OPHN1: variants seen among roughly 807,000 people sequenced by gnomAD.
The protein encoded by OPHN1 is oligophrenin 1.
Under a neutral mutation model 60.7 loss-of-function variants are expected in OPHN1, and 11 were observed. The ratio of observed to expected loss-of-function variants is 0.18; its 90% CI spans 0.11 to 0.30. OPHN1 has a LOEUF of 0.30. Among genes scored for constraint, OPHN1 ranks in the 10% least tolerant of loss-of-function variants. OPHN1 has a pLI of 1.00. For synonymous variants in OPHN1, 226 were observed against 222.6 expected (o/e 1.02, Z -0.14); for missense variants, 449 against 611.0 (o/e 0.73, Z 2.80).
At chrX:68,302,979 A>G (rs1209193084) in intron 2 of OPHN1, among the ~76,000 whole-genome samples, 4 of 111,384 alleles carry the variant, frequency 3.6e-5, no homozygotes, top group Non-Finnish European at 7.5e-5. Flanking sequence ...GCTACAAAAA[A>G]ATAAAATACC....
chrX:68,092,805 T>C (rs1025830893), intron 19 of OPHN1, among the ~76,000 whole-genome samples: 3 of 111,830 alleles, frequency 2.7e-5, no homozygotes, highest in African/African-American at 9.7e-5. Flanking sequence ...AAAATTTAAG[T>C]TGGCATTTGC....
intron 2 of OPHN1, among the ~76,000 whole-genome samples, chrX:68,376,930 CTTTTT>C (rs34240021): frequency 1.1e-5 from 1 of 90,154 alleles, no homozygotes; most frequent in African/African-American, 4.6e-5. Context: ...CTCAAGTAAT[CTTTTT>C]TTTTTTTTTT....
chrX:68,089,827 A>T (rs924623873), intron 19 of OPHN1, among the ~76,000 whole-genome samples: 1 of 111,870 alleles, frequency 8.9e-6, no homozygotes, highest in African/African-American at 3.2e-5. Flanking sequence ...GTAACTGGGC[A>T]TTTGAAGAAT....
intron 15 of OPHN1, among the ~76,000 whole-genome samples, chrX:68,129,362 T>G (rs1032169151): frequency 3.6e-5 from 4 of 111,372 alleles, no homozygotes; most frequent in African/African-American, 1.3e-4. Flanking sequence ...GGGCAGATGT[T>G]TAAAATGCAG....
intron 15 of OPHN1, among the ~76,000 whole-genome samples, chrX:68,165,600 A>G (rs941938319): frequency 1.8e-5 from 2 of 112,153 alleles, no homozygotes; most frequent in African/African-American, 6.5e-5. Context: ...GATATAATAA[A>G]AATTGTAAAG....
chrX:68,400,974 G>A (rs1010257867), intron 2 of OPHN1, among the ~76,000 whole-genome samples: 10 of 111,277 alleles, frequency 9.0e-5, no homozygotes, highest in Non-Finnish European at 1.7e-4. Flanking sequence ...GCAAGAAGAG[G>A]TGGGGAAGTG....
intron 2 of OPHN1, among the ~76,000 whole-genome samples, chrX:68,392,393 G>T (rs942391175): frequency 4.5e-5 from 5 of 111,053 alleles, no homozygotes; most frequent in African/African-American, 1.6e-4. Context: ...TAAATTTGGG[G>T]GGAGTCAAAA....
chrX:68,425,316 T>C (rs1321844229), intron 2 of OPHN1, among the ~76,000 whole-genome samples: 1 of 112,517 alleles, frequency 8.9e-6, no homozygotes, highest in Non-Finnish European at 1.9e-5. Context: ...TGAAGATGAA[T>C]TGGCTCCTAA....
intron 2 of OPHN1, among the ~76,000 whole-genome samples, chrX:68,427,350 T>C (rs914859727): frequency 3.6e-5 from 4 of 111,272 alleles, no homozygotes; most frequent in Non-Finnish European, 7.5e-5. Flanking sequence ...ACTAAAATAA[T>C]GTGAAATTTT....
At chrX:68,281,753 G>A (rs1189441737) in intron 4 of OPHN1, among the ~76,000 whole-genome samples, 1 of 112,326 alleles carries the variant, frequency 8.9e-6, no homozygotes, top group African/African-American at 3.2e-5. Flanking sequence ...ATAGGCAAAA[G>A]AACTGAACAA....
rs761607454 is a variant in OPHN1, at chrX:68,370,011, A to AATATATATATAT, written c.154+62844_154+62855dup. On this transcript the variant is annotated intron_variant, in intron 2 of 24. Coordinates refer to ENST00000355520, the MANE Select transcript of OPHN1 (RefSeq NM_002547.3). ...ACAGTGGGATGGCATAAATTGCTGA[A>AATATATATATAT]ATATATATATATATATATATATATA... Among the ~76,000 whole-genome samples, 232 of 64,309 alleles carry AATATATATATAT rather than the reference A, an allele frequency of 3.6e-3. 4 individuals carry two copies. The highest frequency in any genetic ancestry group is 7.7e-3 in the African/African-American group (99 of 12,810). The allele number at this position is 64,309 out of a possible 115,157, so 55.8% of individuals were successfully genotyped here.
At position 68,147,810 on chromosome X, in the gene OPHN1, C is replaced by T. The variant is rs770226704; in HGVS notation, c.1277-28478G>A. ...TGGATAGTCAATGCCTTAAAAGAAT[C>T]GTTTTAACATCAATTTGATTAAGCT... On this transcript the variant is annotated intron_variant, in intron 15 of 24. Transcript: ENST00000355520. 4.5e-5 allele frequency among the ~76,000 whole-genome samples: 5 copies of T among 111,514 alleles called. No individual in the cohort carries two copies. The South Asian group carries it at 1.5e-3, about 34-fold the overall frequency.
chrX:68,429,461 C>G (rs1482016034), intron 2 of OPHN1, among the ~76,000 whole-genome samples: 2 of 110,683 alleles, frequency 1.8e-5, no homozygotes, highest in African/African-American at 6.6e-5. Context: ...TGGTGACTCA[C>G]GCCTATAATC....
intron 19 of OPHN1, among the ~76,000 whole-genome samples, chrX:68,093,716 G>C: frequency 9.0e-6 from 1 of 111,182 alleles, no homozygotes; most frequent in South Asian, 3.8e-4. Flanking sequence ...TAATTGCCAC[G>C]CATACGTCAT....
intron 2 of OPHN1, among the ~76,000 whole-genome samples, chrX:68,365,028 CA>C (rs2078491112): frequency 8.9e-6 from 1 of 111,972 alleles, no homozygotes; most frequent in South Asian, 3.7e-4. Flanking sequence ...ATAATATGGA[CA>C]ATAGTAAACT....
intron 6 of OPHN1, among the ~76,000 whole-genome samples, chrX:68,214,420 T>TACC (rs2077598811): frequency 8.9e-6 from 1 of 112,248 alleles, no homozygotes; most frequent in South Asian, 3.7e-4. Flanking sequence ...TCTCAAGTCT[T>TACC]ATTTAACAAG....
intron 3 of OPHN1, among the ~76,000 whole-genome samples, chrX:68,298,311 T>C (rs2078104903): frequency 8.9e-6 from 1 of 111,950 alleles, no homozygotes; most frequent in African/African-American, 3.2e-5. Context: ...TGAGTATGGG[T>C]ATGTTCCAAT....
At chrX:68,241,868 C>CCGAGAT (rs2077782270) in intron 5 of OPHN1, among the ~76,000 whole-genome samples, 1 of 111,103 alleles carries the variant, frequency 9.0e-6, no homozygotes, top group African/African-American at 3.3e-5. Context: ...TTGCAGTGAG[C>CCGAGAT]CGAGATCGCG....
At chrX:68,253,219 T>C (rs1392042105) in intron 5 of OPHN1, among the ~76,000 whole-genome samples, 7 of 111,474 alleles carry the variant, frequency 6.3e-5, no homozygotes, top group Non-Finnish European at 1.3e-4. Context: ...ATAAACCATA[T>C]AGTTCATTAT....
Sources: gnomAD v4.1 joint callset for allele counts (sites outside exome capture counted in the v4.1 genomes callset) on GRCh38, gnomAD v4.1.1 for gene constraint, MANE v1.5 for transcripts, NCBI Gene and HGNC (gene_info 2026-07-23, HGNC 2026-07-21) for gene names.